The following LRRC72 variants were observed in gnomAD, a reference collection of about 807,000 sequenced individuals.
The protein encoded by LRRC72 is leucine rich repeat containing 72.
Under a neutral mutation model 35.8 loss-of-function variants are expected in LRRC72, and 41 were observed. The ratio of observed to expected loss-of-function variants is 1.15; its 90% CI spans 0.89 to 1.49. The LOEUF (loss-of-function observed/expected upper bound fraction) is 1.49, where lower values mean the gene tolerates loss of function less well. LRRC72 is among the 40% of genes most tolerant of loss of function. LRRC72 has a pLI of 0.00. For synonymous variants in LRRC72, 118 were observed against 119.2 expected, an observed-to-expected ratio of 0.99 and a Z score of 0.07; for missense variants, 389 against 330.7, an observed-to-expected ratio of 1.18 and a Z score of -1.37.
chr7:16,533,223 A>G (rs1300296459), intron 2 of LRRC72, among the ~76,000 whole-genome samples: 2 of 152,106 alleles, frequency 1.3e-5, no homozygotes, highest in Non-Finnish European at 2.9e-5. Flanking sequence ...ACCAATCCCC[A>G]TACCAGTTTT....
intron 5 of LRRC72, among the ~76,000 whole-genome samples, chr7:16,561,093 A>C (rs1046086174): frequency 6.6e-6 from 1 of 152,130 alleles, no homozygotes; most frequent in African/African-American, 2.4e-5. Context: ...AAATATTTAT[A>C]ATCTATTCAT....
chr7:16,572,023 C>A (rs990887870), intron 7 of LRRC72, among the ~76,000 whole-genome samples: 1 of 152,132 alleles, frequency 6.6e-6, no homozygotes, highest in Non-Finnish European at 1.5e-5. Context: ...GGGGCATCTG[C>A]CAAAACAGAA....
chr7:16,553,898 T>A (rs570348074), intron 3 of LRRC72, among the ~76,000 whole-genome samples: 16 of 152,230 alleles, frequency 1.1e-4, no homozygotes, highest in Non-Finnish European at 2.2e-4. Flanking sequence ...AATGGTTAAA[T>A]AATAGTCATC....
chr7:16,536,271 A>G (rs990465404), intron 2 of LRRC72, among the ~76,000 whole-genome samples: 2 of 152,236 alleles, frequency 1.3e-5, no homozygotes, highest in Non-Finnish European at 2.9e-5. Flanking sequence ...ATGAATGTTA[A>G]TGGGATACAG....
intron 3 of LRRC72, among the ~76,000 whole-genome samples, chr7:16,544,571 G>A (rs186960269): frequency 2.0e-5 from 3 of 152,192 alleles, no homozygotes; most frequent in Admixed American, 2.0e-4. Flanking sequence ...ATTCTTTCCA[G>A]CCTCTCATGA....
chr7:16,531,680 G>T (rs1524363), intron 1 of LRRC72, among the ~76,000 whole-genome samples: 70,288 of 151,928 alleles, frequency 0.46, 16,370 homozygotes, highest in East Asian at 0.61. Flanking sequence ...CATGTCTTGT[G>T]AGCTCTACTT....
chr7:16,557,248 ATTATC>A, intron 3 of LRRC72, 107 bp from the exon 4 acceptor site: 1 of 274,816 alleles, frequency 3.6e-6, no homozygotes, highest in Non-Finnish European at 6.9e-6. Context: ...TCAAACTTTT[ATTATC>A]TTATTATAAT....
intron 3 of LRRC72, among the ~76,000 whole-genome samples, chr7:16,547,314 G>A (rs1389581732): frequency 2.0e-5 from 3 of 152,146 alleles, no homozygotes; most frequent in Admixed American, 2.0e-4. Context: ...ACGGAGTGGG[G>A]GGCAGAGAGG....
At position 16,527,003 on chromosome 7, in the gene LRRC72, A is replaced by T; in HGVS notation, c.51A>T (p.Leu17=). The change falls in exon 1 of 9, where the codon CTA becomes CTT. Residue 17 remains leucine, a synonymous_variant. Transcript: ENST00000401542. ...PVPRTLRCWR[L]RRASETALQS... ...CCCGTACCTTGCGATGCTGGCGCCT[A>T]CGGAGGGCATCCGAAACTGCCCTAC... 1 of 1,539,864 alleles carries T rather than the reference A, an allele frequency of 6.5e-7. No individual in the cohort carries two copies. Among genetic ancestry groups the T allele is most frequent in the Non-Finnish European group, 8.7e-7 (1 of 1,146,930 alleles).
chr7:16,550,941 T>C (rs560665927), intron 3 of LRRC72, among the ~76,000 whole-genome samples: 1 of 152,340 alleles, frequency 6.6e-6, no homozygotes, highest in South Asian at 2.1e-4. Flanking sequence ...CCCCGGAGTT[T>C]ATATTTGTTT....
At chr7:16,575,179 G>A (rs947397129) in intron 7 of LRRC72, among the ~76,000 whole-genome samples, 2 of 152,232 alleles carry the variant, frequency 1.3e-5, no homozygotes, top group Admixed American at 6.5e-5. Flanking sequence ...ACCACCTTGG[G>A]CACATGTTCT....
In LRRC72 at chr7:16,580,084, T is replaced by C. The variant is rs1417610600; in HGVS notation, c.681T>C (p.Phe227=). 4.7e-6 allele frequency: 2 copies of C among 424,140 alleles called. No homozygotes were observed. The highest frequency in any genetic ancestry group is 8.3e-6 in the Non-Finnish European group (2 of 239,640). 26.3% of individuals were successfully genotyped at this position (424,140 alleles called of 1,614,324 possible). ...PAQRVPSDFA[F]ANNVDKTVLD... is the part of the protein sequence containing the mutation. The stretch of plus-strand genomic sequence containing the variant: ...GTATTTTTTTTTTAGATTTTGCATT[T>C]GCAAATAATGTAGACAAGTAAGTAA... Residue 227 remains phenylalanine (F), a synonymous_variant, in exon 8 of 9, where the codon TTT becomes TTC. Coordinates refer to ENST00000401542, the MANE Select transcript of LRRC72 (RefSeq NM_001195280.2).
intron 7 of LRRC72, among the ~76,000 whole-genome samples, chr7:16,578,836 G>A (rs868385910): frequency 2.0e-5 from 3 of 152,098 alleles, no homozygotes; most frequent in Non-Finnish European, 2.9e-5. Context: ...ACTGGAGAGC[G>A]TTATACTAAA....
At chr7:16,565,917 T>G (rs143465967) in intron 5 of LRRC72, among the ~76,000 whole-genome samples, 1,617 of 152,326 alleles carry the variant, frequency 0.011, 13 homozygotes, top group Non-Finnish European at 0.016. Context: ...ACTTGGAGAC[T>G]GAAAGAAGAG....
chr7:16,563,738 A>C (rs1782781267), intron 5 of LRRC72, among the ~76,000 whole-genome samples: 1 of 152,220 alleles, frequency 6.6e-6, no homozygotes, highest in Non-Finnish European at 1.5e-5. Context: ...TCTAAAATTT[A>C]AGAGATAGGA....
intron 2 of LRRC72, among the ~76,000 whole-genome samples, chr7:16,537,377 G>A (rs528625233): frequency 6.6e-6 from 1 of 152,334 alleles, no homozygotes; most frequent in East Asian, 1.9e-4. Context: ...ATAATGAGGT[G>A]TAAATTTTTG....
intron 3 of LRRC72, among the ~76,000 whole-genome samples, chr7:16,547,127 G>A (rs902023547): frequency 6.6e-6 from 1 of 152,116 alleles, no homozygotes; most frequent in Non-Finnish European, 1.5e-5. Context: ...CTCACTCCTT[G>A]CTGTGTCTTG....
intron 7 of LRRC72, among the ~76,000 whole-genome samples, chr7:16,573,488 G>A (rs778733996): frequency 2.6e-5 from 4 of 152,154 alleles, no homozygotes; most frequent in Non-Finnish European, 4.4e-5. Flanking sequence ...AGAGGCCTCA[G>A]AAATAATGCC....
At chr7:16,579,202 T>C (rs965622144) in intron 7 of LRRC72, among the ~76,000 whole-genome samples, 4 of 152,222 alleles carry the variant, frequency 2.6e-5, no homozygotes, top group Admixed American at 1.3e-4. Context: ...TGAATACGTA[T>C]ATTAAAACAT....
Sources: gnomAD v4.1 joint callset for allele counts (sites outside exome capture counted in the v4.1 genomes callset) on GRCh38, gnomAD v4.1.1 for gene constraint, MANE v1.5 for transcripts, NCBI Gene and HGNC (gene_info 2026-07-23, HGNC 2026-07-21) for gene names.